The following FLYWCH1 variants were observed in gnomAD, a reference collection of about 807,000 sequenced individuals.
FLYWCH1 encodes FLYWCH-type zinc finger 1, also known as FLYWCH-type zinc finger-containing protein 1.
A neutral mutation model predicts 66.4 loss-of-function variants in FLYWCH1; 75 were observed. That is an observed-to-expected ratio of 1.13 (90% confidence interval 0.94 to 1.37). The LOEUF (loss-of-function observed/expected upper bound fraction) is 1.37. Ranked by LOEUF, FLYWCH1 falls within the 40% of genes most tolerant of loss-of-function variation. The pLI, the probability that FLYWCH1 is intolerant of heterozygous loss-of-function variation, is 0.00. For missense variants in FLYWCH1, 1,334 were observed against 1,001.8 expected, an observed-to-expected ratio of 1.33 and a Z score of -4.48; for synonymous variants, 595 against 429.9, an observed-to-expected ratio of 1.38 and a Z score of -4.75.
rs771097070 is a variant in FLYWCH1 at position 2,937,241 on chromosome 16, G to A, written c.1634G>A (p.Arg545His). ...TATTGGACCTGCCGGGACCAGGCCC[G>A]CATGGGCTGCCGCAGCCGCGCCATC... ...KVYWTCRDQA[R>H]MGCRSRAITQ... Residue 545 changes from arginine to histidine, a missense_variant, in exon 7 of 10, where the codon CGC becomes CAC. Physicochemically the swap from Arg to His is conservative, Grantham distance 29. Transcript: ENST00000253928. The A allele has an allele frequency of 8.1e-6, 13 of 1,605,142 alleles. No homozygotes were observed. Among genetic ancestry groups the A allele is most frequent in the African/African-American group, 5.3e-5 (4 of 74,770 alleles).
chr16:2,916,783 C>T (rs2070182313), intron 2 of FLYWCH1, among the ~76,000 whole-genome samples: 1 of 152,124 alleles, frequency 6.6e-6, no homozygotes, highest in Non-Finnish European at 1.5e-5. Flanking sequence ...GCAAATTCCT[C>T]TCTTCTTGAG....
Position 2,930,732 on chromosome 16 carries a change from G to T in FLYWCH1, c.648G>T (p.Leu216=), listed in dbSNP as rs1186355848. The change falls in exon 4 of 10, where the codon CTG becomes CTT. Residue 216 remains leucine, a synonymous_variant. Transcript: ENST00000253928. ...CTGGAGGCCGAGTGGAGGAGCCCCT[G>T]GAGGGGGTGGGCCCGTGGCAGTGCC... The part of the protein sequence containing the change: ...EGPGGRVEEP[L]EGVGPWQCPE... 6.4e-7 allele frequency: 1 copy of T among 1,553,106 alleles called. No individual in the cohort carries two copies. The highest frequency in any genetic ancestry group is 1.9e-5 in the Admixed American group (1 of 51,990).
At chr16:2,920,743 G>T (rs543715612) in intron 2 of FLYWCH1, among the ~76,000 whole-genome samples, 61 of 151,032 alleles carry the variant, frequency 4.0e-4, no homozygotes, top group Non-Finnish European at 8.0e-4. Context: ...GTTTCTCCAT[G>T]TTGGTCGGGC....
intron 4 of FLYWCH1, among the ~76,000 whole-genome samples, chr16:2,932,491 G>C (rs1009833173): frequency 4.6e-5 from 7 of 151,996 alleles, no homozygotes; most frequent in Admixed American, 3.3e-4. Context: ...TGGGAGTTCT[G>C]GCTGTTTTAT....
chr16:2,944,102 A>G (rs1212590807), intron 9 of FLYWCH1, among the ~76,000 whole-genome samples: 1 of 151,944 alleles, frequency 6.6e-6, no homozygotes, highest in Non-Finnish European at 1.5e-5. Context: ...TCTCAGAAAT[A>G]AAAGTAGAGC....
At chr16:2,939,939 T>C (rs1474743345) in intron 8 of FLYWCH1, 93 bp from the exon 9 acceptor site, 6 of 1,474,020 alleles carry the variant, frequency 4.1e-6, no homozygotes, top group East Asian at 5.1e-5. Context: ...CTCACAGCCT[T>C]GAGGGCGTCG....
chr16:2,941,848 C>T lies in FLYWCH1; in HGVS notation c.2111+1756C>T, dbSNP rs113771932. 1.5e-3 allele frequency among the ~76,000 whole-genome samples: 227 copies of T among 151,722 alleles called. 1 individual carries two copies. The highest frequency in any genetic ancestry group is 5.0e-3 in the African/African-American group (209 of 41,404). On this transcript the variant is annotated intron_variant, in intron 9 of 9. Transcript: ENST00000253928. ...CCAGCCTGACCAACATGGTGAAACC[C>T]CATCTCTACTAAAGATAGAAAAATT...
At chr16:2,924,486 A>C (rs917346079) in intron 2 of FLYWCH1, among the ~76,000 whole-genome samples, 3 of 152,186 alleles carry the variant, frequency 2.0e-5, no homozygotes, top group Non-Finnish European at 4.4e-5. Flanking sequence ...AGGCTCCTTC[A>C]TGTCTGCAGG....
chr16:2,938,398 C>G lies in FLYWCH1; in HGVS notation c.1992C>G (p.Gly664=). The change falls in exon 8 of 10, where the codon GGC becomes GGG. Residue 664 remains glycine (G), a synonymous_variant. Coordinates refer to ENST00000253928, the MANE Select transcript of FLYWCH1 (RefSeq NM_001308068.2). The part of the protein sequence containing the change: ...RSHCHQPDLA[G]LEALRQRERL... ...ACTGCCATCAGCCTGACCTGGCAGGCCTGGAGGCCTTGAGGCAACGGGAGC... is the reference window on the plus strand; with the variant it reads ...ACTGCCATCAGCCTGACCTGGCAGGGCTGGAGGCCTTGAGGCAACGGGAGC... 1 of 1,552,250 alleles carries G rather than the reference C, an allele frequency of 6.4e-7. No homozygotes were observed. The highest frequency in any genetic ancestry group is 8.7e-7 in the Non-Finnish European group (1 of 1,148,640).
At chr16:2,916,091 A>C (rs992718811) in intron 2 of FLYWCH1, among the ~76,000 whole-genome samples, 1 of 152,176 alleles carries the variant, frequency 6.6e-6, no homozygotes, top group Non-Finnish European at 1.5e-5. Flanking sequence ...TCACACCTGT[A>C]ATCCCAGCAT....
intron 2 of FLYWCH1, among the ~76,000 whole-genome samples, chr16:2,924,209 A>G (rs954656029): frequency 3.3e-5 from 5 of 152,082 alleles, no homozygotes; most frequent in African/African-American, 1.2e-4. Flanking sequence ...GGGCGCCTGT[A>G]GTCCCAGCTC....
At chr16:2,934,472 C>T (rs1326038773) in intron 6 of FLYWCH1, 2 of 360,796 alleles carry the variant, frequency 5.5e-6, no homozygotes, top group Non-Finnish European at 1.1e-5. Flanking sequence ...CTGTCTCCAT[C>T]TTTATCCACA....
At position 2,933,440 on chromosome 16, in the gene FLYWCH1, G is replaced by A; in HGVS notation, c.1107G>A (p.Val369=). 1.2e-6 allele frequency: 2 copies of A among 1,601,444 alleles called. No homozygotes were observed. Among genetic ancestry groups the A allele is most frequent in the Non-Finnish European group, 1.7e-6 (2 of 1,174,862 alleles). ...GSQVDTLLRG[V]DSLLYRRGPG... is the part of the protein sequence containing the mutation. The stretch of plus-strand genomic sequence containing the variant: ...AAGTGGACACGCTGCTCCGAGGCGT[G>A]GATAGTTTGCTCTACCGCAGGGGTC... The change falls in exon 5 of 10, where the codon GTG becomes GTA. Residue 369 remains valine (V), a synonymous_variant. Coordinates refer to ENST00000253928, the MANE Select transcript of FLYWCH1 (RefSeq NM_001308068.2).
intron 7 of FLYWCH1, 105 bp from the exon 8 acceptor site, chr16:2,938,079 G>A: frequency 1.8e-6 from 2 of 1,134,902 alleles, no homozygotes; most frequent in East Asian, 2.5e-5. Context: ...CGTGCTAGGG[G>A]ATCGCAGATT....
intron 2 of FLYWCH1, among the ~76,000 whole-genome samples, chr16:2,915,887 A>G (rs2070152534): frequency 6.6e-6 from 1 of 152,176 alleles, no homozygotes; most frequent in Admixed American, 6.5e-5. Flanking sequence ...ATGGAGGCAA[A>G]ACTGGCCTCT....
rs113921471 is a variant in FLYWCH1 at position 2,937,464 on chromosome 16, G to C, written c.1777+80G>C. 2.4e-5 allele frequency: 35 copies of C among 1,437,626 alleles called. No individual in the cohort carries two copies. The Middle Eastern group carries it at 1.0e-3, about 42-fold the overall frequency. 89.1% of individuals were successfully genotyped at this position (1,437,626 alleles called of 1,614,324 possible). On this transcript the variant is annotated intron_variant, in intron 7 of 9. Transcript: ENST00000253928. ...CACACGCTGGCTGGAGGCTGCCCGT[G>C]GGGTGTTGTGTGTTGTGCATGGTGG...
intron 6 of FLYWCH1, chr16:2,934,720 C>G: frequency 2.2e-6 from 1 of 454,246 alleles, no homozygotes. Context: ...CTGTGATTGT[C>G]TTTCTCTTTT....
chr16:2,933,600 G>GGGGCTCAC lies in FLYWCH1; in HGVS notation c.1249+19_1249+26dup. 6.4e-7 allele frequency: 1 copy of GGGGCTCAC among 1,573,140 alleles called. No homozygotes were observed. ...AGACCCGGGTGAGCTGCCTTCCTTT[G>GGGGCTCAC]GGGCTCACCGGCCCTGCCTTGACTC... On this transcript the variant is annotated intron_variant, in intron 5 of 9. Coordinates refer to ENST00000253928, the MANE Select transcript of FLYWCH1 (RefSeq NM_001308068.2).
At chr16:2,931,991 G>A (rs539542783) in intron 4 of FLYWCH1, among the ~76,000 whole-genome samples, 6 of 152,060 alleles carry the variant, frequency 3.9e-5, no homozygotes, top group East Asian at 1.9e-4. Flanking sequence ...GGTAGCGGGC[G>A]CCTGTAGTCC....
Sources: gnomAD v4.1 joint callset for allele counts (sites outside exome capture counted in the v4.1 genomes callset) on GRCh38, gnomAD v4.1.1 for gene constraint, MANE v1.5 for transcripts, NCBI Gene and HGNC (gene_info 2026-07-23, HGNC 2026-07-21) for gene names.